UNC79: variants seen among roughly 807,000 people sequenced by gnomAD.
UNC79 encodes protein unc-79 homolog.
Under a neutral mutation model 283.1 loss-of-function variants are expected in UNC79, and 37 were observed. The ratio of observed to expected loss-of-function variants is 0.13; its 90% CI spans 0.10 to 0.17. The LOEUF is 0.17. Among genes scored for constraint, UNC79 ranks in the 10% least tolerant of loss-of-function variants. The probability of loss-of-function intolerance (pLI) is 1.00; values close to 1 mark genes in which losing one functional copy is unlikely to be tolerated. For missense variants in UNC79, 2,272 were observed against 3,211.1 expected, an observed-to-expected ratio of 0.71 and a Z score of 7.07; for synonymous variants, 1,107 against 1,200.2, an observed-to-expected ratio of 0.92 and a Z score of 1.61.
chr14:93,564,940 G>A (rs981285078), intron 14 of UNC79, among the ~76,000 whole-genome samples: 12 of 152,224 alleles, frequency 7.9e-5, no homozygotes, highest in Middle Eastern at 3.4e-3. Flanking sequence ...CAGGGGTTAC[G>A]ATGGCTTAGC....
intron 1 of UNC79, among the ~76,000 whole-genome samples, chr14:93,403,451 G>T (rs1015847510): frequency 6.6e-6 from 1 of 152,224 alleles, no homozygotes; most frequent in African/African-American, 2.4e-5. Flanking sequence ...AAAATGGGAG[G>T]CAGGTTTGCC....
At chr14:93,506,564 CAT>C (rs2059553633) in intron 7 of UNC79, among the ~76,000 whole-genome samples, 1 of 152,176 alleles carries the variant, frequency 6.6e-6, no homozygotes, top group East Asian at 1.9e-4. Context: ...TGAAGATAAA[CAT>C]TTTTTTCTTT....
chr14:93,674,412 G>A (rs1050693655), intron 41 of UNC79, among the ~76,000 whole-genome samples: 5 of 152,192 alleles, frequency 3.3e-5, no homozygotes, highest in African/African-American at 1.2e-4. Flanking sequence ...TAGAATGGCT[G>A]TGCCAGAGGA....
intron 14 of UNC79, among the ~76,000 whole-genome samples, chr14:93,558,233 C>A (rs2062294985): frequency 6.6e-6 from 1 of 152,178 alleles, no homozygotes; most frequent in South Asian, 2.1e-4. Context: ...CAACCTAAGA[C>A]TAGTTTCCCA....
chr14:93,480,960 G>A (rs560600046), intron 4 of UNC79, among the ~76,000 whole-genome samples: 11 of 152,258 alleles, frequency 7.2e-5, no homozygotes, highest in Non-Finnish European at 1.3e-4. Context: ...TGCTTTTCAG[G>A]TATAAAATGA....
chr14:93,458,828 G>GT (rs1348213809), intron 1 of UNC79, among the ~76,000 whole-genome samples: 2 of 152,164 alleles, frequency 1.3e-5, no homozygotes, highest in African/African-American at 4.8e-5. Context: ...ATATAAGATG[G>GT]TTTTGTCTCC....
At chr14:93,592,988 G>A (rs930749134) in intron 22 of UNC79, among the ~76,000 whole-genome samples, 18 of 152,204 alleles carry the variant, frequency 1.2e-4, no homozygotes, top group African/African-American at 3.6e-4. Flanking sequence ...GAGATGGGAA[G>A]GAGGGTCATT....
At chr14:93,657,078 G>C (rs1018400945) in intron 38 of UNC79, among the ~76,000 whole-genome samples, 2 of 152,208 alleles carry the variant, frequency 1.3e-5, no homozygotes, top group Non-Finnish European at 2.9e-5. Flanking sequence ...TTGAGTTACT[G>C]TAAGAAGCAG....
At chr14:93,421,480 A>G (rs1299448456) in intron 1 of UNC79, among the ~76,000 whole-genome samples, 2 of 151,726 alleles carry the variant, frequency 1.3e-5, no homozygotes, top group Admixed American at 1.3e-4. Context: ...CCAGGCAAAG[A>G]AAAGCCTGGG....
chr14:93,358,481 A>G (rs1310529915), intron 1 of UNC79, among the ~76,000 whole-genome samples: 3 of 152,156 alleles, frequency 2.0e-5, no homozygotes, highest in Admixed American at 2.0e-4. Context: ...AGAAAAACAG[A>G]CACAAGCTCT....
At chr14:93,524,716 C>T (rs183070862) in intron 8 of UNC79, among the ~76,000 whole-genome samples, 1 of 152,104 alleles carries the variant, frequency 6.6e-6, no homozygotes, top group African/African-American at 2.4e-5. Context: ...AATAATCACA[C>T]CTTTTAAGAA....
intron 1 of UNC79, among the ~76,000 whole-genome samples, chr14:93,422,790 G>A (rs1037517798): frequency 6.6e-6 from 1 of 152,100 alleles, no homozygotes; most frequent in Admixed American, 6.6e-5. Flanking sequence ...GCCAGGCTTG[G>A]TGGCTTATGC....
chr14:93,572,115 A>G, intron 15 of UNC79, 31 bp downstream of exon 15: 1 of 1,605,266 alleles, frequency 6.2e-7, no homozygotes, highest in Middle Eastern at 2.0e-4. Flanking sequence ...AGTCACTGTA[A>G]TTATAATCAT....
At position 93,660,276 on chromosome 14, in the gene UNC79, A is replaced by G. The variant is rs1383820971; in HGVS notation, c.6525+1015A>G. Among the ~76,000 whole-genome samples, 5 of 152,164 alleles carry G rather than the reference A, an allele frequency of 3.3e-5. No individual in the cohort carries two copies. In the East Asian group the frequency reaches 9.7e-4, roughly 29 times the overall value. ...AATCCACTCATTTACAGACGAGGAA[A>G]CAGGCTCAGAGAGATGGATTGTCTT... On this transcript the variant is annotated intron_variant, in intron 39 of 48. Coordinates refer to ENST00000555664, the Ensembl canonical transcript of UNC79.
intron 47 of UNC79, among the ~76,000 whole-genome samples, chr14:93,697,691 G>C (rs2075247797): frequency 6.6e-6 from 1 of 152,008 alleles, no homozygotes; most frequent in South Asian, 2.1e-4. Context: ...GGATTGCTTG[G>C]GTCAAGGAGT....
chr14:93,609,655 A>G (rs1035557408), intron 26 of UNC79, among the ~76,000 whole-genome samples: 3 of 152,236 alleles, frequency 2.0e-5, no homozygotes, highest in Non-Finnish European at 4.4e-5. Context: ...TTTCTTAGAG[A>G]AAATGCTTGT....
intron 1 of UNC79, among the ~76,000 whole-genome samples, chr14:93,404,145 G>T: frequency 6.6e-6 from 1 of 151,968 alleles, no homozygotes; most frequent in Admixed American, 6.6e-5. Context: ...CAAGAGAATG[G>T]TGAGTTTTAT....
At chr14:93,557,177 A>T (rs1252336298) in intron 14 of UNC79, among the ~76,000 whole-genome samples, 2 of 152,226 alleles carry the variant, frequency 1.3e-5, no homozygotes, top group Non-Finnish European at 2.9e-5. Flanking sequence ...TTTATATTCT[A>T]TTGATTTAAA....
At chr14:93,520,089 A>G (rs1290157035) in intron 7 of UNC79, among the ~76,000 whole-genome samples, 1 of 151,936 alleles carries the variant, frequency 6.6e-6, no homozygotes, top group Non-Finnish European at 1.5e-5. Context: ...AGTGGAGCTC[A>G]GCTGGAAATG....
Sources: gnomAD v4.1 joint callset for allele counts (sites outside exome capture counted in the v4.1 genomes callset) on GRCh38, gnomAD v4.1.1 for gene constraint, MANE v1.5 for transcripts, NCBI Gene and HGNC (gene_info 2026-07-23, HGNC 2026-07-21) for gene names.